Variants in RASSF5 observed in about 807,000 individuals in gnomAD.
RASSF5 encodes ras association domain-containing protein 5.
In RASSF5, 25 loss-of-function variants were observed where a neutral mutation model predicts 40.5. The observed-to-expected ratio is 0.62, with a 90% CI of 0.45 to 0.86. RASSF5 has a LOEUF of 0.86. Among genes scored for constraint, RASSF5 ranks in the 40% least tolerant of loss-of-function variants. The pLI is 0.00. For missense variants in RASSF5, 521 were observed against 572.8 expected (o/e 0.91, Z 0.92); for synonymous variants, 246 against 252.4 (o/e 0.97, Z 0.24).
At position 206,507,626 on chromosome 1, in the gene RASSF5, C is replaced by T. The variant is rs1553393909; in HGVS notation, c.24C>T (p.Ile8=). 2.6e-6 allele frequency: 4 copies of T among 1,524,970 alleles called. No individual in the cohort carries two copies. The highest frequency in any genetic ancestry group is 2.8e-5 in the East Asian group (1 of 35,944). 94.5% of individuals were successfully genotyped at this position (1,524,970 alleles called of 1,614,324 possible). ...GCATGGCCATGGCGTCCCCGGCCAT[C>T]GGGCAGCGCCCGTACCCGCTACTAT... is the stretch of plus-strand genomic sequence containing the variant. The part of the protein sequence containing the change: MAMASPA[I]GQRPYPLLLD... Residue 8 remains isoleucine, a synonymous_variant, in exon 1 of 6, where the codon ATC becomes ATT. Transcript: ENST00000579436.
At chr1:206,527,873 TGAG>T (rs1206247767) in intron 1 of RASSF5, among the ~76,000 whole-genome samples, 1 of 152,132 alleles carries the variant, frequency 6.6e-6, no homozygotes, top group Non-Finnish European at 1.5e-5. Context: ...AATGGGCTGT[TGAG>T]GAGCAGCCAG....
chr1:206,551,394 T>C (rs141420586), intron 2 of RASSF5, among the ~76,000 whole-genome samples: 4 of 152,316 alleles, frequency 2.6e-5, no homozygotes, highest in Non-Finnish European at 5.9e-5. Flanking sequence ...GCGGACATCC[T>C]TCATTCTTAC....
chr1:206,565,536 A>C (rs782435643), intron 2 of RASSF5, among the ~76,000 whole-genome samples: 7 of 152,194 alleles, frequency 4.6e-5, no homozygotes, highest in Non-Finnish European at 1.0e-4. Context: ...AAGATGGATG[A>C]GATGGGGTTT....
intron 1 of RASSF5, 32 bp downstream of exon 1, chr1:206,508,091 G>A: frequency 7.5e-7 from 1 of 1,333,888 alleles, no homozygotes; most frequent in Non-Finnish European, 9.6e-7. Context: ...GGGCGTGCGG[G>A]GAGACCGCAG....
intron 2 of RASSF5, among the ~76,000 whole-genome samples, chr1:206,549,903 G>T (rs1478514048): frequency 2.0e-5 from 3 of 152,112 alleles, no homozygotes; most frequent in Non-Finnish European, 4.4e-5. Context: ...TCTAGCCTTG[G>T]GTCATTTCTT....
intron 1 of RASSF5, chr1:206,529,633 G>C (rs1371350325): frequency 1.3e-5 from 10 of 765,132 alleles, no homozygotes; most frequent in Admixed American, 3.4e-5. Context: ...AATGTCCTGG[G>C]TCCCAAGTCT....
At position 206,552,895 on chromosome 1, in the gene RASSF5, T is replaced by G. The variant is rs1044884033; in HGVS notation, c.579+14602T>G. 5.9e-5 allele frequency among the ~76,000 whole-genome samples: 9 copies of G among 152,178 alleles called. No homozygotes were observed. The highest frequency in any genetic ancestry group is 2.9e-5 in the Non-Finnish European group (2 of 68,038). On this transcript the variant is annotated intron_variant, in intron 2 of 5. Coordinates refer to ENST00000579436, the MANE Select transcript of RASSF5 (RefSeq NM_182663.4). This position sits in a 1 kb window ranked among gnomAD's most constrained non-coding sequence, Gnocchi z 4.1. ...GCCCAAACTCAGACACTCAGTCTAG[T>G]GCTTGCCTGAAGAAAGTGCTCAGTA... is the stretch of plus-strand genomic sequence containing the variant.
intron 2 of RASSF5, among the ~76,000 whole-genome samples, chr1:206,553,433 T>C (rs944258934): frequency 2.6e-5 from 4 of 152,074 alleles, no homozygotes; most frequent in Non-Finnish European, 5.9e-5. Context: ...TTGGAAGGCT[T>C]TGCACTAATC....
chr1:206,524,053 A>G (rs1290244454), intron 1 of RASSF5, among the ~76,000 whole-genome samples: 1 of 109,330 alleles, frequency 9.1e-6, no homozygotes, highest in Non-Finnish European at 1.8e-5. Context: ...TTTATATATA[A>G]TAGGTATAAC....
At chr1:206,538,947 A>G (rs562498437) in intron 2 of RASSF5, among the ~76,000 whole-genome samples, 1 of 152,330 alleles carries the variant, frequency 6.6e-6, no homozygotes, top group South Asian at 2.1e-4. Flanking sequence ...TTGTCCTCAG[A>G]CAGCTTGCAT....
chr1:206,559,603 T>A (rs11579605), intron 2 of RASSF5, among the ~76,000 whole-genome samples: 82,282 of 152,048 alleles, frequency 0.54, 22,477 homozygotes, highest in Middle Eastern at 0.66. Context: ...CCACCTTGTA[T>A]CTTGAGGCCT....
chr1:206,520,575 C>G lies in RASSF5; in HGVS notation c.457+12516C>G, dbSNP rs183814877. Among the ~76,000 whole-genome samples, 372 of 150,460 alleles carry G rather than the reference C, an allele frequency of 2.5e-3. 4 individuals are homozygous for G. The highest frequency in any genetic ancestry group is 8.1e-3 in the African/African-American group (329 of 40,814). On this transcript the variant is annotated intron_variant, in intron 1 of 5. Coordinates refer to ENST00000579436, the MANE Select transcript of RASSF5 (RefSeq NM_182663.4). ...TAAGCCAAAATCGCGCCACTGCACTCCAGCCCAGTTGACAAAGCAAGACTC... is the reference window on the plus strand; with the variant it reads ...TAAGCCAAAATCGCGCCACTGCACTGCAGCCCAGTTGACAAAGCAAGACTC...
chr1:206,514,487 C>G (rs896164944), intron 1 of RASSF5, among the ~76,000 whole-genome samples: 1 of 152,198 alleles, frequency 6.6e-6, no homozygotes, highest in Non-Finnish European at 1.5e-5. Flanking sequence ...ATGACACTTA[C>G]CTGTGACAGG....
intron 5 of RASSF5, chr1:206,586,546 C>T: frequency 6.7e-6 from 2 of 296,884 alleles, no homozygotes; most frequent in South Asian, 3.8e-5. Flanking sequence ...AAGATCTCGG[C>T]TGCTACACAG....
At position 206,518,649 on chromosome 1, in the gene RASSF5, T is replaced by A. The variant is rs1276986344; in HGVS notation, c.457+10590T>A. 1.3e-5 allele frequency: 5 copies of A among 394,872 alleles called. No individual in the cohort carries two copies. The East Asian group carries it at 1.4e-4, about 11-fold the overall frequency. 24.5% of individuals were successfully genotyped at this position (394,872 alleles called of 1,614,324 possible). On this transcript the variant is annotated intron_variant, in intron 1 of 5. Transcript: ENST00000579436. ...AGGATCTTTCTGGCAGTCTGCTGTTTAGTGCTGAGCTCAGCACCACTCCTT... is the reference window on the plus strand; with the variant it reads ...AGGATCTTTCTGGCAGTCTGCTGTTAAGTGCTGAGCTCAGCACCACTCCTT...
intron 2 of RASSF5, among the ~76,000 whole-genome samples, chr1:206,568,980 G>A (rs1341189236): frequency 6.6e-6 from 1 of 152,218 alleles, no homozygotes; most frequent in Non-Finnish European, 1.5e-5. Context: ...ATATGAGGCT[G>A]GAAAGCCAGA....
intron 3 of RASSF5, chr1:206,583,753 G>C (rs1197112556): frequency 4.1e-5 from 10 of 243,916 alleles, no homozygotes; most frequent in Non-Finnish European, 8.2e-5. Context: ...TCGATTGTGA[G>C]AGAGGGACAT....
chr1:206,569,919 G>A (rs1215387853), intron 2 of RASSF5, among the ~76,000 whole-genome samples: 1 of 152,114 alleles, frequency 6.6e-6, no homozygotes, highest in Non-Finnish European at 1.5e-5. Flanking sequence ...AGGCCCAGTT[G>A]CTTAGATGTG....
In RASSF5 at chr1:206,552,125, G is replaced by T. The variant is rs1259169719; in HGVS notation, c.579+13832G>T. ...AGCCTGGCAGCCAATCAGAAGTGTG[G>T]TGTGGGTTAGCACCGCTGAGAAAGT... On this transcript the variant is annotated intron_variant, in intron 2 of 5. Coordinates refer to ENST00000579436, the MANE Select transcript of RASSF5 (RefSeq NM_182663.4). This position sits in a 1 kb window ranked among gnomAD's most constrained non-coding sequence, Gnocchi z 4.1. Among the ~76,000 whole-genome samples the T allele has an allele frequency of 3.9e-5, 6 of 152,206 alleles. No individual in the cohort carries two copies. The highest frequency in any genetic ancestry group is 1.2e-4 in the African/African-American group (5 of 41,446).
Sources: gnomAD v4.1 joint callset for allele counts (sites outside exome capture counted in the v4.1 genomes callset) on GRCh38, gnomAD v4.1.1 for gene constraint, Gnocchi (gnomAD v3.1) non-coding constraint, MANE v1.5 for transcripts, NCBI Gene and HGNC (gene_info 2026-07-23, HGNC 2026-07-21) for gene names.